The following VPS13B variants were observed in gnomAD, a reference collection of about 807,000 sequenced individuals.
VPS13B encodes the protein vacuolar protein sorting 13 homolog B, also known as intermembrane lipid transfer protein VPS13B.
VPS13B carries 285 observed loss-of-function variants against 426.4 expected under a neutral mutation model. That is an observed-to-expected ratio of 0.67 (90% CI 0.61 to 0.74). The LOEUF (loss-of-function observed/expected upper bound fraction) is 0.74, where lower values mean the gene tolerates loss of function less well. Among genes scored for constraint, VPS13B ranks in the 30% least tolerant of loss-of-function variants. The pLI is 0.00. For missense variants in VPS13B, 4,537 were observed against 4,782.6 expected, an observed-to-expected ratio of 0.95 and a Z score of 1.51; for synonymous variants, 1,676 against 1,676.4, an observed-to-expected ratio of 1.00 and a Z score of 0.01.
intron 30 of VPS13B, among the ~76,000 whole-genome samples, chr8:99,550,898 C>T (rs1204897261): frequency 6.6e-6 from 1 of 151,966 alleles, no homozygotes; most frequent in Non-Finnish European, 1.5e-5. Flanking sequence ...TCAGAGGATA[C>T]AGTCTATATG....
At position 99,717,254 on chromosome 8, in the gene VPS13B, A is replaced by G. The variant is rs1179122669; in HGVS notation, c.6538A>G (p.Ile2180Val). Residue 2180 changes from isoleucine (I) to valine (V), a missense_variant, in exon 37 of 62, where the codon ATA becomes GTA. Transcript: ENST00000357162. ...TCTCAAAGAAAGAAGCCGCATTCTG[A>G]TAGGACCATGTTGTGCTACTGCCAA... The part of the protein sequence containing the change: ...TSLKERSRIL[I>V]GPCCATANLE... The G allele has an allele frequency of 4.3e-6, 7 of 1,614,054 alleles. No individual in the cohort carries two copies. The highest frequency in any genetic ancestry group is 1.6e-4 in the Middle Eastern group (1 of 6,062).
intron 17 of VPS13B, among the ~76,000 whole-genome samples, chr8:99,205,526 T>A (rs1055598088): frequency 6.6e-6 from 1 of 152,222 alleles, no homozygotes; most frequent in South Asian, 2.1e-4. Flanking sequence ...ACGAAACTTA[T>A]ACTTTCATTT....
chr8:99,284,027 T>A (rs1330937188), intron 19 of VPS13B, among the ~76,000 whole-genome samples: 1 of 152,166 alleles, frequency 6.6e-6, no homozygotes, highest in Non-Finnish European at 1.5e-5. Flanking sequence ...GCCATATGCA[T>A]TTTAATTTTT....
chr8:99,758,073 A>T (rs551112267), intron 39 of VPS13B, among the ~76,000 whole-genome samples: 25 of 152,352 alleles, frequency 1.6e-4, no homozygotes, highest in African/African-American at 5.8e-4. Flanking sequence ...GGCATTAATA[A>T]CAAATCCTTA....
chr8:99,641,704 A>G (rs1456212413), intron 33 of VPS13B, 107 bp from the exon 34 acceptor site: 3 of 1,087,536 alleles, frequency 2.8e-6, no homozygotes, highest in Non-Finnish European at 3.9e-6. Context: ...AAGTTATACT[A>G]GACTCATTTT....
intron 52 of VPS13B, among the ~76,000 whole-genome samples, chr8:99,833,376 T>C (rs1056830013): frequency 5.3e-5 from 8 of 152,254 alleles, no homozygotes; most frequent in African/African-American, 1.9e-4. Flanking sequence ...TGTGCCCTTA[T>C]GATAAGTACC....
intron 8 of VPS13B, among the ~76,000 whole-genome samples, chr8:99,131,593 A>G (rs868222842): frequency 7.9e-5 from 12 of 151,862 alleles, no homozygotes; most frequent in Non-Finnish European, 1.6e-4. Flanking sequence ...ACAATATTGT[A>G]GTTTGTTAAG....
chr8:99,670,502 C>A (rs1342379065), intron 35 of VPS13B, among the ~76,000 whole-genome samples: 2 of 151,980 alleles, frequency 1.3e-5, no homozygotes, highest in Non-Finnish European at 2.9e-5. Context: ...CCCATAAGAT[C>A]TCCTCTTTTA....
chr8:99,048,603 T>C (rs1311969446), intron 3 of VPS13B, among the ~76,000 whole-genome samples: 1 of 152,030 alleles, frequency 6.6e-6, no homozygotes, highest in African/African-American at 2.4e-5. Context: ...TTACCAGTGG[T>C]CGGGAGTTTG....
chr8:99,671,009 G>A (rs925633020), intron 35 of VPS13B, among the ~76,000 whole-genome samples: 2 of 152,082 alleles, frequency 1.3e-5, no homozygotes, highest in Admixed American at 6.6e-5. Context: ...CCATTAGTGG[G>A]ATTACTGGAT....
intron 19 of VPS13B, among the ~76,000 whole-genome samples, chr8:99,379,406 GT>G (rs1403192476): frequency 6.6e-6 from 1 of 151,930 alleles, no homozygotes; most frequent in Non-Finnish European, 1.5e-5. Flanking sequence ...TTTTCTAGCT[GT>G]TACTAGTTTC....
At chr8:99,300,455 A>G (rs543832994) in intron 19 of VPS13B, among the ~76,000 whole-genome samples, 2 of 152,326 alleles carry the variant, frequency 1.3e-5, no homozygotes, top group East Asian at 3.8e-4. Flanking sequence ...TAACATTGGT[A>G]TGTTGGGTGT....
At chr8:99,818,615 C>G (rs1335170685) in intron 46 of VPS13B, 81 bp downstream of exon 46, 13 of 1,601,262 alleles carry the variant, frequency 8.1e-6, no homozygotes, top group Non-Finnish European at 1.1e-5. Context: ...CAGAGTGACC[C>G]AGGGAAGAGA....
intron 52 of VPS13B, among the ~76,000 whole-genome samples, chr8:99,834,846 A>G (rs1259528148): frequency 2.0e-5 from 3 of 152,232 alleles, no homozygotes; most frequent in African/African-American, 7.2e-5. Flanking sequence ...GGCGTGAGCC[A>G]CCATGCACAG....
At chr8:99,266,608 TG>T (rs36025430) in intron 17 of VPS13B, among the ~76,000 whole-genome samples, 2 of 152,086 alleles carry the variant, frequency 1.3e-5, no homozygotes, top group African/African-American at 4.8e-5. Flanking sequence ...AATTGAATCA[TG>T]GGGGGTGGTT....
chr8:99,370,149 C>G (rs772999555), intron 19 of VPS13B, among the ~76,000 whole-genome samples: 10 of 152,176 alleles, frequency 6.6e-5, no homozygotes, highest in Non-Finnish European at 8.8e-5. Flanking sequence ...GTGCCAGTCA[C>G]TGTGCTTGGC....
chr8:99,168,670 A>G lies in VPS13B; in HGVS notation c.2209-1369A>G, dbSNP rs190521582. 1.3e-4 allele frequency among the ~76,000 whole-genome samples: 20 copies of G among 152,154 alleles called. No homozygotes were observed. The East Asian group carries it at 3.9e-3, about 29-fold the overall frequency. On this transcript the variant is annotated intron_variant, in intron 15 of 61. Coordinates refer to ENST00000357162, the MANE Select transcript of VPS13B (RefSeq NM_152564.5). ...TGCTCAGAACAGGTCTTCAAAAAGA[A>G]TGAATGTGAAATATCTTAATTTTAA...
chr8:99,682,799 TTG>T (rs1217537819), intron 35 of VPS13B, among the ~76,000 whole-genome samples: 2 of 152,132 alleles, frequency 1.3e-5, no homozygotes, highest in African/African-American at 4.8e-5. Flanking sequence ...CCTGCCAGGC[TTG>T]TGTCCCTCCC....
At chr8:99,240,558 C>T (rs1588166353) in intron 17 of VPS13B, among the ~76,000 whole-genome samples, 1 of 152,132 alleles carries the variant, frequency 6.6e-6, no homozygotes, top group Non-Finnish European at 1.5e-5. Context: ...AGTATATGTA[C>T]TCATTATGAT....
Sources: gnomAD v4.1 joint callset for allele counts (sites outside exome capture counted in the v4.1 genomes callset) on GRCh38, gnomAD v4.1.1 for gene constraint, MANE v1.5 for transcripts, NCBI Gene and HGNC (gene_info 2026-07-23, HGNC 2026-07-21) for gene names.